KHDRBS2: variants seen among roughly 807,000 people sequenced by gnomAD.
KHDRBS2 encodes the protein KH RNA binding domain containing, signal transduction associated 2.
Under a neutral mutation model 44.3 loss-of-function variants are expected in KHDRBS2, and 26 were observed. That is an observed-to-expected ratio of 0.59 (90% CI 0.43 to 0.81). The LOEUF (loss-of-function observed/expected upper bound fraction) is 0.81, where lower values mean the gene tolerates loss of function less well. Among genes scored for constraint, KHDRBS2 ranks in the 40% least tolerant of loss-of-function variants. The pLI is 0.00. For missense variants in KHDRBS2, 476 were observed against 433.1 expected, an observed-to-expected ratio of 1.10 and a Z score of -0.88; for synonymous variants, 194 against 151.1, an observed-to-expected ratio of 1.28 and a Z score of -2.08.
At chr6:61,741,820 A>G (rs936851211) in intron 6 of KHDRBS2, among the ~76,000 whole-genome samples, 1 of 151,974 alleles carries the variant, frequency 6.6e-6, no homozygotes, top group Non-Finnish European at 1.5e-5. Context: ...TAGAAATTTA[A>G]ATGATATGAA....
intron 3 of KHDRBS2, among the ~76,000 whole-genome samples, chr6:62,046,423 T>A (rs1787703722): frequency 6.6e-6 from 1 of 151,940 alleles, no homozygotes; most frequent in East Asian, 1.9e-4. Context: ...GTAAAATATG[T>A]TAAGTGATAA....
chr6:62,200,124 T>C (rs578219411), intron 1 of KHDRBS2, among the ~76,000 whole-genome samples: 3 of 152,244 alleles, frequency 2.0e-5, no homozygotes, highest in Admixed American at 6.5e-5. Flanking sequence ...CCTAAAACCA[T>C]AAAAACCCTA....
At chr6:61,764,324 T>G (rs2127573730) in intron 6 of KHDRBS2, among the ~76,000 whole-genome samples, 1 of 152,308 alleles carries the variant, frequency 6.6e-6, no homozygotes, top group South Asian at 2.1e-4. Flanking sequence ...ATAGAACGAT[T>G]ATATTCCTTT....
At chr6:61,624,194 G>T in the KHDRBS2 span, among the ~76,000 whole-genome samples, 1 of 152,144 alleles carries the variant, frequency 6.6e-6, no homozygotes, top group Non-Finnish European at 1.5e-5. Context: ...AAAACGATTT[G>T]TCCAGTGACT....
chr6:61,674,561 C>A, the KHDRBS2 span, among the ~76,000 whole-genome samples: 1 of 151,692 alleles, frequency 6.6e-6, no homozygotes, highest in East Asian at 1.9e-4. Flanking sequence ...ACTTGTCCAG[C>A]ATATATGCTC....
chr6:61,918,436 A>G (rs1484962424), intron 4 of KHDRBS2, among the ~76,000 whole-genome samples: 1 of 151,844 alleles, frequency 6.6e-6, no homozygotes, highest in Non-Finnish European at 1.5e-5. Flanking sequence ...CCAGGTTTGG[A>G]TGTTGTTAGG....
the KHDRBS2 span, among the ~76,000 whole-genome samples, chr6:61,626,404 C>T: frequency 6.6e-6 from 1 of 152,162 alleles, no homozygotes; most frequent in African/African-American, 2.4e-5. Flanking sequence ...AAAATGAGAA[C>T]ATGCCAAATA....
chr6:61,905,591 G>A (rs1292982879), intron 4 of KHDRBS2, among the ~76,000 whole-genome samples: 4 of 152,178 alleles, frequency 2.6e-5, no homozygotes, highest in African/African-American at 9.6e-5. Flanking sequence ...ACACATACTT[G>A]TGATAACTGA....
chr6:61,803,138 T>C (rs936537160), intron 6 of KHDRBS2, among the ~76,000 whole-genome samples: 5 of 152,218 alleles, frequency 3.3e-5, no homozygotes, highest in African/African-American at 1.2e-4. Flanking sequence ...CCTTGCTTCC[T>C]CCTACTCCTC....
the KHDRBS2 span, among the ~76,000 whole-genome samples, chr6:61,661,553 A>ATG: frequency 6.6e-6 from 1 of 151,894 alleles, no homozygotes; most frequent in African/African-American, 2.4e-5. Flanking sequence ...TTTTTATATT[A>ATG]TGTGTTTTAG....
At chr6:61,557,152 C>A in the KHDRBS2 span, among the ~76,000 whole-genome samples, 2 of 152,114 alleles carry the variant, frequency 1.3e-5, no homozygotes, top group Non-Finnish European at 2.9e-5. Context: ...AAGTCCACTG[C>A]TTCACACTAG....
Position 61,886,855 on chromosome 6 carries a change from C to G in KHDRBS2, c.810+7780G>C, listed in dbSNP as rs575313795. On this transcript the variant is annotated intron_variant, in intron 6 of 8. Transcript: ENST00000281156. The stretch of plus-strand genomic sequence containing the variant: ...TAGAGTAGAGATAGTTTCTCTTTAA[C>G]TACAGTTTTTATATTTCCAGCACTT... Among the ~76,000 whole-genome samples, 20 of 152,246 alleles carry G rather than the reference C, an allele frequency of 1.3e-4. No homozygotes were observed. In the South Asian group the frequency reaches 3.5e-3, roughly 27 times the overall value.
chr6:62,274,021 C>T (rs559079505), intron 1 of KHDRBS2, among the ~76,000 whole-genome samples: 18 of 152,034 alleles, frequency 1.2e-4, no homozygotes, highest in Non-Finnish European at 2.5e-4. Context: ...CTCTAACCTC[C>T]GCCTTCTGGG....
At chr6:61,976,553 A>T (rs1438669245) in intron 4 of KHDRBS2, among the ~76,000 whole-genome samples, 1 of 152,138 alleles carries the variant, frequency 6.6e-6, no homozygotes, top group East Asian at 1.9e-4. Context: ...TATTTTCTAC[A>T]ATATATTTAA....
intron 2 of KHDRBS2, among the ~76,000 whole-genome samples, chr6:62,092,599 A>G (rs1799691930): frequency 6.6e-6 from 1 of 152,212 alleles, no homozygotes; most frequent in South Asian, 2.1e-4. Context: ...AGTAAAAATA[A>G]TATTTCATTG....
intron 2 of KHDRBS2, among the ~76,000 whole-genome samples, chr6:62,157,432 A>T (rs1481065052): frequency 1.3e-5 from 2 of 152,222 alleles, no homozygotes; most frequent in Admixed American, 6.5e-5. Flanking sequence ...ATATCCAACT[A>T]ACTGAAATGT....
At chr6:61,967,842 A>G (rs1221127599) in intron 4 of KHDRBS2, among the ~76,000 whole-genome samples, 2 of 73,218 alleles carry the variant, frequency 2.7e-5, no homozygotes, top group Non-Finnish European at 5.2e-5. Context: ...CTCTCTCTCA[A>G]TACATACATA....
At chr6:62,175,794 T>C (rs755831719) in intron 2 of KHDRBS2, among the ~76,000 whole-genome samples, 2 of 151,482 alleles carry the variant, frequency 1.3e-5, no homozygotes, top group East Asian at 1.9e-4. Context: ...GAATCAAACA[T>C]AGATCTGGTA....
Position 62,005,280 on chromosome 6 carries a change from T to C in KHDRBS2, c.337-27068A>G, listed in dbSNP as rs149044992. On this transcript the variant is annotated intron_variant, in intron 3 of 8. Transcript: ENST00000281156. ...TCAGATACATAACTGATTTTATTTA[T>C]AACTAAAATATAACTGACATGAAAA... 2.8e-3 allele frequency among the ~76,000 whole-genome samples: 421 copies of C among 152,228 alleles called. 3 individuals are homozygous for C. The highest frequency in any genetic ancestry group is 9.3e-3 in the African/African-American group (385 of 41,570).
Sources: allele counts gnomAD v4.1 joint callset (sites outside exome capture counted in the v4.1 genomes callset), GRCh38; gene constraint gnomAD v4.1.1; transcripts MANE v1.5; gene names NCBI Gene and HGNC (gene_info 2026-07-23, HGNC 2026-07-21).